OSBP2: variants seen among roughly 807,000 people sequenced by gnomAD.
OSBP2 encodes the protein oxysterol-binding protein 2.
Under a neutral mutation model 96.0 loss-of-function variants are expected in OSBP2, and 66 were observed. The observed-to-expected ratio is 0.69, with a 90% CI of 0.56 to 0.84. OSBP2 has a LOEUF of 0.84. Among genes scored for constraint, OSBP2 ranks in the 40% least tolerant of loss-of-function variants. OSBP2 has a pLI of 0.00. For missense variants in OSBP2, 1,038 were observed against 1,222.7 expected, an observed-to-expected ratio of 0.85 and a Z score of 2.25; for synonymous variants, 525 against 520.9, an observed-to-expected ratio of 1.01 and a Z score of -0.11.
At chr22:30,892,625 G>A (rs540774431) in intron 8 of OSBP2, among the ~76,000 whole-genome samples, 2 of 152,256 alleles carry the variant, frequency 1.3e-5, no homozygotes, top group East Asian at 1.9e-4. Context: ...CGGGCCCGGG[G>A]CAGTGCATCG....
rs184514610 is a variant in OSBP2 at position 30,741,348 on chromosome 22, C to T, written c.832C>T (p.Arg278Cys). The change falls in exon 2 of 14, where the codon CGC (arginine) becomes TGC (cysteine). Residue 278 changes from arginine (R) to cysteine (C), a missense_variant. This residue lies in a region of OSBP2 where 737 missense variants were observed against 913.3 expected (regional missense o/e 0.81). Transcript: ENST00000332585. The stretch of plus-strand genomic sequence containing the variant: ...GGAGCTGGCCAAGGCCAAGGCTGTC[C>T]GCGTGATGAACACTCATTCAGGTAG... ...ALELAKAKAV[R>C]VMNTHSDDSG... The T allele has an allele frequency of 7.7e-5, 124 of 1,610,566 alleles. 2 individuals are homozygous for T. In the East Asian group the frequency reaches 8.9e-4, roughly 12 times the overall value.
chr22:30,885,144 T>C (rs1237476161), intron 3 of OSBP2, among the ~76,000 whole-genome samples: 1 of 152,166 alleles, frequency 6.6e-6, no homozygotes, highest in African/African-American at 2.4e-5. Flanking sequence ...AGGTGAGGAC[T>C]GGTGTGCCCA....
Position 30,906,349 on chromosome 22 carries a change from T to C in OSBP2, c.*10T>C. 2 of 1,593,094 alleles carry C rather than the reference T, an allele frequency of 1.3e-6. No homozygotes were observed. Among genetic ancestry groups the C allele is most frequent in the Middle Eastern group, 1.7e-4 (1 of 5,936 alleles). On this transcript the variant is annotated 3_prime_UTR_variant, in exon 14 of 14. Transcript: ENST00000332585. ...CCCCAACATCTTCTGAGCGCCACCC[T>C]TGCAACAAATACAGGCGCCTGCACA...
At chr22:30,810,711 G>A (rs1330548253) in intron 2 of OSBP2, among the ~76,000 whole-genome samples, 2 of 152,114 alleles carry the variant, frequency 1.3e-5, no homozygotes, top group East Asian at 1.9e-4. Flanking sequence ...CTGCTCCTCC[G>A]CCTCATAGGA....
At chr22:30,817,563 C>T (rs2205976) in intron 2 of OSBP2, among the ~76,000 whole-genome samples, 105 of 152,254 alleles carry the variant, frequency 6.9e-4, no homozygotes, top group Middle Eastern at 3.4e-3. Flanking sequence ...AATGCACCAG[C>T]AATGCAGACA....
chr22:30,735,410 CTTTTTTT>C (rs774749546), intron 1 of OSBP2, among the ~76,000 whole-genome samples: 7 of 100,598 alleles, frequency 7.0e-5, no homozygotes, highest in East Asian at 2.8e-4. Flanking sequence ...TCTTCTCTCT[CTTTTTTT>C]TTTTTTTTTT....
chr22:30,753,372 G>A (rs975324243), intron 2 of OSBP2, among the ~76,000 whole-genome samples: 2 of 152,174 alleles, frequency 1.3e-5, no homozygotes, highest in African/African-American at 4.8e-5. Flanking sequence ...TGGAGCAAAA[G>A]GGTAGATGTG....
chr22:30,801,434 G>A (rs1183055029), intron 2 of OSBP2, among the ~76,000 whole-genome samples: 1 of 152,110 alleles, frequency 6.6e-6, no homozygotes. Context: ...AATGATAAAT[G>A]CCCACTCCTG....
At chr22:30,899,241 A>G (rs180906211) in intron 12 of OSBP2, among the ~76,000 whole-genome samples, 50 of 152,028 alleles carry the variant, frequency 3.3e-4, no homozygotes, top group Admixed American at 1.8e-3. Flanking sequence ...TTAATTAGCC[A>G]TGTGTAGTCC....
intron 2 of OSBP2, among the ~76,000 whole-genome samples, chr22:30,794,812 G>A (rs1020396438): frequency 4.0e-5 from 6 of 150,274 alleles, no homozygotes; most frequent in African/African-American, 9.8e-5. Context: ...AAAAATTCCC[G>A]TTACTTTTCG....
At chr22:30,779,091 A>G (rs1053477898) in intron 2 of OSBP2, among the ~76,000 whole-genome samples, 4 of 151,354 alleles carry the variant, frequency 2.6e-5, no homozygotes, top group Non-Finnish European at 1.5e-5. Context: ...GTGTATATAT[A>G]TACAGATAGA....
At chr22:30,722,733 C>T (rs2089572265) in intron 1 of OSBP2, among the ~76,000 whole-genome samples, 1 of 142,370 alleles carries the variant, frequency 7.0e-6, no homozygotes, top group African/African-American at 2.6e-5. Context: ...TTCTCTTTCT[C>T]CTTCCTTCTC....
chr22:30,743,033 T>C (rs905465849), intron 2 of OSBP2, among the ~76,000 whole-genome samples: 1 of 152,214 alleles, frequency 6.6e-6, no homozygotes, highest in Non-Finnish European at 1.5e-5. Context: ...GAAAAATGTG[T>C]CTACACATGC....
rs1219525485 is a variant in OSBP2 at position 30,905,931 on chromosome 22, C to G, written c.2470C>G (p.Pro824Ala). Residue 824 changes from proline (P) to alanine (A), a missense_variant, in exon 13 of 14, where the codon CCC becomes GCC. Pro to Ala is a conservative substitution (Grantham distance 27). Transcript: ENST00000332585. ...GVAPTDSRLRPDQRLMEKGRW... is the reference protein window; with the variant it reads ...GVAPTDSRLRADQRLMEKGRW... ...AGCGCCAACCGACAGCCGCCTGCGG[C>G]CCGACCAGCGGCTGATGGAGAAGGG... is the stretch of plus-strand genomic sequence containing the variant. 2 of 1,612,858 alleles carry G rather than the reference C, an allele frequency of 1.2e-6. No homozygotes were observed. The highest frequency in any genetic ancestry group is 2.2e-5 in the South Asian group (2 of 91,026).
At chr22:30,867,924 AG>A (rs1254143626) in intron 2 of OSBP2, among the ~76,000 whole-genome samples, 1 of 152,236 alleles carries the variant, frequency 6.6e-6, no homozygotes, top group East Asian at 1.9e-4. Context: ...TCTGATGGAC[AG>A]GGGGCTGGCC....
intron 2 of OSBP2, among the ~76,000 whole-genome samples, chr22:30,786,627 A>G (rs2090593835): frequency 6.7e-6 from 1 of 150,106 alleles, no homozygotes; most frequent in Non-Finnish European, 1.5e-5. Context: ...TGAAGATAGG[A>G]GGAGTACAAT....
intron 2 of OSBP2, among the ~76,000 whole-genome samples, chr22:30,846,763 A>T (rs567806505): frequency 1.3e-5 from 2 of 152,158 alleles, no homozygotes; most frequent in African/African-American, 2.4e-5. Flanking sequence ...TTGATATTTC[A>T]TCATTGAACC....
At chr22:30,868,391 C>T (rs1421121592) in intron 2 of OSBP2, among the ~76,000 whole-genome samples, 1 of 152,250 alleles carries the variant, frequency 6.6e-6, no homozygotes, top group Non-Finnish European at 1.5e-5. Flanking sequence ...AGCCAGTGGC[C>T]CAGACCCTGG....
intron 2 of OSBP2, among the ~76,000 whole-genome samples, chr22:30,771,603 G>T (rs1253837510): frequency 6.6e-6 from 1 of 152,232 alleles, no homozygotes; most frequent in African/African-American, 2.4e-5. Flanking sequence ...GCCAGTGGGG[G>T]TGCCAATAGG....
Sources: gnomAD v4.1 joint callset for allele counts (sites outside exome capture counted in the v4.1 genomes callset) on GRCh38, gnomAD v4.1.1 for gene constraint, gnomAD v4.1.1 regional missense constraint, MANE v1.5 for transcripts, NCBI Gene and HGNC (gene_info 2026-07-23, HGNC 2026-07-21) for gene names.